GFRAL: variants seen among roughly 807,000 people sequenced by gnomAD.
The protein encoded by GFRAL is GDNF family receptor alpha like, also known as GDNF family receptor alpha-like.
In GFRAL, 36 loss-of-function variants were observed where a neutral mutation model predicts 45.4. The ratio of observed to expected loss-of-function variants is 0.79; its 90% CI spans 0.61 to 1.05. GFRAL has a LOEUF of 1.05. GFRAL is among the 50% of genes least tolerant of loss of function. GFRAL has a pLI of 0.00. For synonymous variants in GFRAL, 166 were observed against 154.1 expected, an observed-to-expected ratio of 1.08 and a Z score of -0.57; for missense variants, 507 against 467.5, an observed-to-expected ratio of 1.08 and a Z score of -0.78.
At chr6:55,381,629 A>T (rs1278869251) in intron 6 of GFRAL, among the ~76,000 whole-genome samples, 1 of 151,880 alleles carries the variant, frequency 6.6e-6, no homozygotes, top group African/African-American at 2.4e-5. Context: ...AAGTACATAA[A>T]ATTTTAAACT....
intron 6 of GFRAL, among the ~76,000 whole-genome samples, chr6:55,361,832 A>AGCTTCT (rs1000934395): frequency 2.0e-5 from 3 of 152,068 alleles, no homozygotes; most frequent in Admixed American, 2.0e-4. Context: ...AAAACCCTTT[A>AGCTTCT]GCTTCTGCTT....
rs1581764573 is a variant in GFRAL at position 55,401,914 on chromosome 6, T to C, written c.*61T>C. On this transcript the variant is annotated 3_prime_UTR_variant, in exon 9 of 9. Coordinates refer to ENST00000340465, the MANE Select transcript of GFRAL (RefSeq NM_207410.2). ...TTTCTCTGCTTTTCTTCTTTCCTCT[T>C]TTCTTCTCTCCTCTCCTCTCCTCTC... 5.9e-6 allele frequency: 5 copies of C among 844,432 alleles called. No individual in the cohort carries two copies. Among genetic ancestry groups the C allele is most frequent in the African/African-American group, 1.7e-5 (1 of 60,026 alleles). The allele number at this position is 844,432 out of a possible 1,614,324, so 52.3% of individuals were successfully genotyped here. A position where few individuals can be genotyped will look rare whatever the true frequency, so the allele number is the denominator to read the frequency against.
chr6:55,332,184 T>C (rs1767838988), intron 2 of GFRAL, among the ~76,000 whole-genome samples: 1 of 152,164 alleles, frequency 6.6e-6, no homozygotes, highest in African/African-American at 2.4e-5. Flanking sequence ...TTTGATTACA[T>C]ATGTCAATGA....
intron 2 of GFRAL, among the ~76,000 whole-genome samples, chr6:55,332,870 T>C (rs1767848245): frequency 6.6e-6 from 1 of 151,880 alleles, no homozygotes; most frequent in Admixed American, 6.6e-5. Flanking sequence ...ATAGAATAAG[T>C]AAATAGAATA....
intron 1 of GFRAL, 80 bp downstream of exon 1, chr6:55,327,656 C>A: frequency 7.6e-7 from 1 of 1,308,512 alleles, no homozygotes; most frequent in Non-Finnish European, 1.1e-6. Context: ...CACACTTAAG[C>A]TTAACAGGGG....
At chr6:55,346,937 T>C (rs1768051630) in intron 3 of GFRAL, among the ~76,000 whole-genome samples, 1 of 147,946 alleles carries the variant, frequency 6.8e-6, no homozygotes, top group South Asian at 2.2e-4. Flanking sequence ...GTAATATTGG[T>C]GGTAATTAAT....
chr6:55,338,368 G>A (rs1581899986), intron 3 of GFRAL, among the ~76,000 whole-genome samples: 1 of 152,210 alleles, frequency 6.6e-6, no homozygotes, highest in African/African-American at 2.4e-5. Flanking sequence ...GGGATAACAG[G>A]CATGAGCCAC....
chr6:55,372,619 A>C (rs889994158), intron 6 of GFRAL, among the ~76,000 whole-genome samples: 1 of 152,136 alleles, frequency 6.6e-6, no homozygotes, highest in African/African-American at 2.4e-5. Context: ...TTTGCCTCAC[A>C]GTCATAAAGG....
intron 3 of GFRAL, among the ~76,000 whole-genome samples, chr6:55,345,225 C>T (rs145338629): frequency 4.6e-5 from 7 of 152,092 alleles, no homozygotes; most frequent in African/African-American, 7.2e-5. Flanking sequence ...AAAAAGGGCC[C>T]GCATTGCCAA....
intron 3 of GFRAL, among the ~76,000 whole-genome samples, chr6:55,343,437 T>C (rs2127352839): frequency 6.6e-6 from 1 of 152,272 alleles, no homozygotes; most frequent in South Asian, 2.1e-4. Context: ...GCTGGGTACA[T>C]AATTAAATGA....
At position 55,378,721 on chromosome 6, in the gene GFRAL, A is replaced by T. The variant is rs80074623; in HGVS notation, c.952+19583A>T. ...TTTTTTTTAATCCCTTTGACCAAGC[A>T]ATTTACCACTGACCATGAGTCTTAC... On this transcript the variant is annotated intron_variant, in intron 6 of 8. Transcript: ENST00000340465. Among the ~76,000 whole-genome samples the T allele has an allele frequency of 1.8e-4, 27 of 151,816 alleles. 1 individual carries two copies. The highest frequency in any genetic ancestry group is 6.3e-4 in the African/African-American group (26 of 41,416).
intron 3 of GFRAL, among the ~76,000 whole-genome samples, chr6:55,342,832 A>T (rs1267080622): frequency 6.6e-6 from 1 of 152,180 alleles, no homozygotes; most frequent in Non-Finnish European, 1.5e-5. Flanking sequence ...ATGGAGGAAG[A>T]TCTACCAAGC....
At chr6:55,373,866 A>C (rs1253659928) in intron 6 of GFRAL, among the ~76,000 whole-genome samples, 1 of 151,974 alleles carries the variant, frequency 6.6e-6, no homozygotes, top group African/African-American at 2.4e-5. Context: ...TAAGCCCAGC[A>C]TCCATTAGCT....
intron 3 of GFRAL, among the ~76,000 whole-genome samples, chr6:55,343,649 C>A (rs1332531896): frequency 6.6e-6 from 1 of 152,038 alleles, no homozygotes; most frequent in Non-Finnish European, 1.5e-5. Context: ...CATTCAAAAG[C>A]TAGCAGAAGG....
chr6:55,349,789 G>A (rs139871731), intron 3 of GFRAL, among the ~76,000 whole-genome samples: 1,983 of 148,200 alleles, frequency 0.013, 25 homozygotes, highest in Non-Finnish European at 0.022. Flanking sequence ...TCCCCAGTCA[G>A]CATCCAATGT....
intron 6 of GFRAL, among the ~76,000 whole-genome samples, chr6:55,375,996 G>A (rs1768529592): frequency 6.6e-6 from 1 of 152,118 alleles, no homozygotes; most frequent in African/African-American, 2.4e-5. Context: ...TTGTGGATTT[G>A]TCATAGACGG....
chr6:55,388,687 A>G (rs1561866721), intron 6 of GFRAL, among the ~76,000 whole-genome samples: 1 of 152,184 alleles, frequency 6.6e-6, no homozygotes, highest in Non-Finnish European at 1.5e-5. Context: ...CTACCCTAAA[A>G]TGGAAATATT....
chr6:55,376,825 TATC>T (rs1189439175), intron 6 of GFRAL, among the ~76,000 whole-genome samples: 2 of 152,056 alleles, frequency 1.3e-5, no homozygotes, highest in African/African-American at 4.8e-5. Context: ...TTCATGTCTC[TATC>T]TTCTTCAATT....
intron 6 of GFRAL, among the ~76,000 whole-genome samples, chr6:55,364,044 T>G (rs9767597): frequency 7.6e-6 from 1 of 130,732 alleles, no homozygotes; most frequent in African/African-American, 3.2e-5. Flanking sequence ...ACTAGTTTAC[T>G]GTCCCACCAA....
Sources: gnomAD v4.1 joint callset for allele counts (sites outside exome capture counted in the v4.1 genomes callset) on GRCh38, gnomAD v4.1.1 for gene constraint, MANE v1.5 for transcripts, NCBI Gene and HGNC (gene_info 2026-07-23, HGNC 2026-07-21) for gene names.